Variants in RGS12 observed in about 807,000 individuals in gnomAD.
RGS12 encodes regulator of G-protein signaling 12.
In RGS12, 66 loss-of-function variants were observed where a neutral mutation model predicts 120.1. The ratio of observed to expected loss-of-function variants is 0.55; its 90% CI spans 0.45 to 0.67. The LOEUF (loss-of-function observed/expected upper bound fraction) is 0.67. Ranked by LOEUF, RGS12 falls within the 30% of genes least tolerant of loss-of-function variation. The pLI, the probability that RGS12 is intolerant of heterozygous loss-of-function variation, is 0.00. For synonymous variants in RGS12, 827 were observed against 804.7 expected, an observed-to-expected ratio of 1.03 and a Z score of -0.47; for missense variants, 1,859 against 1,957.7, an observed-to-expected ratio of 0.95 and a Z score of 0.95.
At chr4:3,401,183 A>T (rs1720542376) in intron 4 of RGS12, among the ~76,000 whole-genome samples, 1 of 152,246 alleles carries the variant, frequency 6.6e-6, no homozygotes, top group Non-Finnish European at 1.5e-5. Flanking sequence ...ATGCTTTAAA[A>T]ATTCGACAGA....
chr4:3,392,145 C>T (rs548375789), intron 4 of RGS12, among the ~76,000 whole-genome samples: 223 of 152,224 alleles, frequency 1.5e-3, no homozygotes, highest in African/African-American at 5.0e-3. Flanking sequence ...GGGGAGAGCT[C>T]AAGGGCTTTT....
At chr4:3,295,979 A>G (rs1723358470) in intron 1 of RGS12, among the ~76,000 whole-genome samples, 2 of 152,188 alleles carry the variant, frequency 1.3e-5, no homozygotes, top group Admixed American at 1.3e-4. Flanking sequence ...CAGCTGGCCA[A>G]GCTCCCTCCC....
chr4:3,329,932 T>C (rs1711653709), intron 2 of RGS12, among the ~76,000 whole-genome samples: 1 of 152,076 alleles, frequency 6.6e-6, no homozygotes, highest in South Asian at 2.1e-4. Context: ...GGTGCAGCTT[T>C]TGGGAGTCAC....
chr4:3,323,421 T>G (rs891612025), intron 2 of RGS12, among the ~76,000 whole-genome samples: 13 of 152,236 alleles, frequency 8.5e-5, no homozygotes, highest in Admixed American at 8.5e-4. Context: ...CAGAGTTCGC[T>G]TCCTTTCATG....
upstream of RGS12, among the ~76,000 whole-genome samples, chr4:3,289,706 C>G (rs1722972663): frequency 6.6e-6 from 1 of 152,236 alleles, no homozygotes; most frequent in African/African-American, 2.4e-5. Flanking sequence ...TAGAGATTTT[C>G]AAGGGTACAT....
chr4:3,318,752 G>A (rs920453312), intron 2 of RGS12, among the ~76,000 whole-genome samples: 2 of 152,184 alleles, frequency 1.3e-5, no homozygotes, highest in African/African-American at 2.4e-5. Context: ...AGCAGGAGGC[G>A]GTGCTGCCAG....
At chr4:3,432,868 C>T (rs575704704) in intron 17 of RGS12, among the ~76,000 whole-genome samples, 9 of 152,310 alleles carry the variant, frequency 5.9e-5, no homozygotes, top group African/African-American at 2.2e-4. Context: ...GGCCATAGGT[C>T]GTAGGTGTGT....
chr4:3,320,806 C>T lies in RGS12; in HGVS notation c.1881+2755C>T, dbSNP rs775297297. 3.3e-5 allele frequency among the ~76,000 whole-genome samples: 5 copies of T among 152,266 alleles called. 1 individual carries two copies. Among genetic ancestry groups the T allele is most frequent in the Admixed American group, 2.6e-4 (4 of 15,294 alleles). On this transcript the variant is annotated intron_variant, in intron 2 of 17. Coordinates refer to ENST00000336727, the MANE Select transcript of RGS12 (RefSeq NM_001394154.1). Reference sequence around the variant, plus strand: ...GCCACAAGATGGGTCCGGACGTCGCCGTGGACAGGTCTGCAGAGTTTCGAA... The same window carrying T: ...GCCACAAGATGGGTCCGGACGTCGCTGTGGACAGGTCTGCAGAGTTTCGAA...
At chr4:3,347,669 A>G (rs1394177671) in intron 3 of RGS12, among the ~76,000 whole-genome samples, 1 of 152,236 alleles carries the variant, frequency 6.6e-6, no homozygotes, top group Non-Finnish European at 1.5e-5. Flanking sequence ...TAAAGTTATT[A>G]GAAACCTGTA....
chr4:3,299,953 G>T (rs1180163620), intron 1 of RGS12, among the ~76,000 whole-genome samples: 1 of 152,242 alleles, frequency 6.6e-6, no homozygotes, highest in Non-Finnish European at 1.5e-5. Flanking sequence ...GAAAGGCTCA[G>T]CCTGGCCTGT....
At chr4:3,424,398 C>T (rs191132258) in intron 13 of RGS12, among the ~76,000 whole-genome samples, 10 of 152,366 alleles carry the variant, frequency 6.6e-5, no homozygotes, top group South Asian at 6.2e-4. Flanking sequence ...ACACCACCTC[C>T]GAGGGTAACC....
At chr4:3,287,354 GA>G in the RGS12 span, among the ~76,000 whole-genome samples, 28 of 147,278 alleles carry the variant, frequency 1.9e-4, no homozygotes, top group Middle Eastern at 6.9e-3. Flanking sequence ...CACATGGTCT[GA>G]AAAAAAAAAC....
rs894244832 is a variant in RGS12 at position 3,372,657 on chromosome 4, T to C, written c.1999-13759T>C. Among the ~76,000 whole-genome samples the C allele has an allele frequency of 1.3e-5, 2 of 152,206 alleles. No homozygotes were observed. Among genetic ancestry groups the C allele is most frequent in the African/African-American group, 4.8e-5 (2 of 41,446 alleles). ...TTTTGTGACGTCTCAGGGTGTCCTT[T>C]CTTTCCTTCATGAGAAGAAGTTCTG... On this transcript the variant is annotated intron_variant, in intron 3 of 17. Coordinates refer to ENST00000336727, the MANE Select transcript of RGS12 (RefSeq NM_001394154.1). The surrounding 1 kb of genome is among the most constrained non-coding windows in gnomAD (Gnocchi z 4.3).
intron 2 of RGS12, among the ~76,000 whole-genome samples, chr4:3,319,615 T>C (rs1725044420): frequency 2.0e-5 from 3 of 152,294 alleles, no homozygotes; most frequent in African/African-American, 7.2e-5. Flanking sequence ...TGGCTAATTT[T>C]TATATTTTTT....
rs376493267 is a variant in RGS12 at position 3,430,850 on chromosome 4, G to A, written c.4009G>A (p.Val1337Met). The A allele has an allele frequency of 9.7e-5, 157 of 1,611,960 alleles. No individual in the cohort carries two copies. The highest frequency in any genetic ancestry group is 1.6e-4 in the African/African-American group (12 of 75,046). Residue 1337 changes from valine to methionine, a missense_variant, in exon 17 of 18, where the codon GTG becomes ATG. Around this residue, in one of 3 missense-constraint regions of RGS12, gnomAD observed 517 missense variants for 488.5 expected, o/e 1.06. Coordinates refer to ENST00000336727, the MANE Select transcript of RGS12 (RefSeq NM_001394154.1). ...CATCCAGACGGTGGAGGATGAGCACGTGGCCGAGCTGACCCTGATGGGGGA... is the reference window on the plus strand; with the variant it reads ...CATCCAGACGGTGGAGGATGAGCACATGGCCGAGCTGACCCTGATGGGGGA... ...GGIQTVEDEH[V>M]AELTLMGEGD...
chr4:3,398,489 T>C (rs1720267418), intron 4 of RGS12, among the ~76,000 whole-genome samples: 1 of 151,554 alleles, frequency 6.6e-6, no homozygotes, highest in African/African-American at 2.4e-5. Context: ...CAAACAACAA[T>C]AAGTGACAAA....
chr4:3,394,403 T>C (rs1348344785), intron 4 of RGS12, among the ~76,000 whole-genome samples: 3 of 152,308 alleles, frequency 2.0e-5, no homozygotes, highest in Admixed American at 2.0e-4. Context: ...CCTCAGGTGA[T>C]AGACCCACCT....
chr4:3,310,616 A>AG (rs1724330369), intron 1 of RGS12, among the ~76,000 whole-genome samples: 1 of 151,936 alleles, frequency 6.6e-6, no homozygotes. Flanking sequence ...GGCTGGATGC[A>AG]GGGATGGCCA....
chr4:3,416,856 T>C (rs1722456354), intron 7 of RGS12, 57 bp from the exon 8 acceptor site: 7 of 1,502,156 alleles, frequency 4.7e-6, no homozygotes, highest in Non-Finnish European at 6.3e-6. Flanking sequence ...GCCTCGCGCC[T>C]GAGGCTGCAT....
Sources: gnomAD v4.1 joint callset for allele counts (sites outside exome capture counted in the v4.1 genomes callset) on GRCh38, gnomAD v4.1.1 for gene constraint, gnomAD v4.1.1 regional missense constraint, Gnocchi (gnomAD v3.1) non-coding constraint, MANE v1.5 for transcripts, NCBI Gene and HGNC (gene_info 2026-07-23, HGNC 2026-07-21) for gene names.